Variants in MARK1 observed in about 807,000 individuals in gnomAD.
MARK1 encodes the protein serine/threonine-protein kinase MARK1.
MARK1 carries 40 observed loss-of-function variants against 96.3 expected under a neutral mutation model. That is an observed-to-expected ratio of 0.42 (90% CI 0.32 to 0.54). The LOEUF (loss-of-function observed/expected upper bound fraction) is 0.54, where lower values mean the gene tolerates loss of function less well. MARK1 is among the 20% of genes least tolerant of loss of function. The pLI is 0.16. For missense variants in MARK1, 719 were observed against 984.6 expected (o/e 0.73, Z 3.61); for synonymous variants, 317 against 341.2 (o/e 0.93, Z 0.78).
chr1:220,642,346 G>A (rs1331431769), intron 13 of MARK1, among the ~76,000 whole-genome samples: 1 of 152,200 alleles, frequency 6.6e-6, no homozygotes, highest in African/African-American at 2.4e-5. Flanking sequence ...TTCCCCCACA[G>A]CACAGCATAG....
intron 9 of MARK1, chr1:220,626,489 C>T (rs1443850833): frequency 1.9e-6 from 1 of 533,492 alleles, no homozygotes; most frequent in Non-Finnish European, 3.8e-6. Flanking sequence ...GGCTCAGACT[C>T]CTTATCTGGG....
chr1:220,653,145 T>A lies in MARK1; in HGVS notation c.1781T>A (p.Ile594Asn), dbSNP rs763329674. The stretch of plus-strand genomic sequence containing the variant: ...GCTGCTTCCCCATCTGCTCACAGTA[T>A]TAGTACTGCGACTCCAGACCGGACC... Reference protein sequence around the residue: ...VPAASPSAHSISTATPDRTRF... With the variant: ...VPAASPSAHSNSTATPDRTRF... Residue 594 changes from isoleucine (I) to asparagine (N), a missense_variant, in exon 16 of 18, where the codon ATT (isoleucine) becomes AAT (asparagine). Ile to Asn is a moderately radical substitution (Grantham distance 149). Coordinates refer to ENST00000366917, the MANE Select transcript of MARK1 (RefSeq NM_018650.5). 1 of 1,614,204 alleles carries A rather than the reference T, an allele frequency of 6.2e-7. No individual in the cohort carries two copies. Among genetic ancestry groups the A allele is most frequent in the South Asian group, 1.1e-5 (1 of 91,082 alleles).
chr1:220,619,990 G>A (rs1473610028), intron 9 of MARK1, among the ~76,000 whole-genome samples: 1 of 152,312 alleles, frequency 6.6e-6, no homozygotes, highest in East Asian at 1.9e-4. Context: ...TGTGTACAGA[G>A]CTCTCAGGTT....
chr1:220,592,332 C>T (rs890256812), intron 3 of MARK1, among the ~76,000 whole-genome samples: 1 of 151,316 alleles, frequency 6.6e-6, no homozygotes, highest in African/African-American at 2.4e-5. Flanking sequence ...AAGTAAATAG[C>T]CATGTTGGAG....
intron 14 of MARK1, among the ~76,000 whole-genome samples, chr1:220,651,152 C>G (rs778275181): frequency 7.9e-5 from 12 of 151,898 alleles, no homozygotes; most frequent in Non-Finnish European, 1.6e-4. Flanking sequence ...CATTCAGAAC[C>G]ACATAATTTT....
At chr1:220,638,879 T>C (rs1222654220) in intron 13 of MARK1, among the ~76,000 whole-genome samples, 1 of 152,198 alleles carries the variant, frequency 6.6e-6, no homozygotes, top group Non-Finnish European at 1.5e-5. Context: ...CCATTTCCTT[T>C]TAGTCTGAAC....
At position 220,652,114 on chromosome 1, in the gene MARK1, C is replaced by T. The variant is rs769473938; in HGVS notation, c.1700C>T (p.Pro567Leu). The change falls in exon 15 of 18, where the codon CCA (proline) becomes CTA (leucine). Residue 567 changes from proline to leucine, a missense_variant. Coordinates refer to ENST00000366917, the MANE Select transcript of MARK1 (RefSeq NM_018650.5). The part of the protein sequence containing the change: ...TSGHPIKVTL[P>L]TIKDGSEAYR... The stretch of plus-strand genomic sequence containing the variant: ...GGTCATCCTATTAAAGTCACACTGC[C>T]AACCATTAAAGACGGCTCTGAAGCT... 1 of 1,612,916 alleles carries T rather than the reference C, an allele frequency of 6.2e-7. No individual in the cohort carries two copies. Among genetic ancestry groups the T allele is most frequent in the Non-Finnish European group, 8.5e-7 (1 of 1,179,134 alleles).
intron 6 of MARK1, among the ~76,000 whole-genome samples, chr1:220,613,987 T>C (rs1403812589): frequency 1.3e-5 from 2 of 152,072 alleles, no homozygotes; most frequent in Non-Finnish European, 2.9e-5. Context: ...TTTGTTTGTT[T>C]GGTCGGTTGG....
intron 1 of MARK1, among the ~76,000 whole-genome samples, chr1:220,550,158 A>G (rs965552355): frequency 2.6e-5 from 4 of 152,220 alleles, no homozygotes; most frequent in Admixed American, 2.0e-4. Context: ...TTGAGACTGC[A>G]TTGATTTTAC....
At chr1:220,539,867 A>G (rs1293294705) in intron 1 of MARK1, among the ~76,000 whole-genome samples, 2 of 146,478 alleles carry the variant, frequency 1.4e-5, no homozygotes, top group East Asian at 4.0e-4. Context: ...CTGGTTTTTT[A>G]TCATGGTAAT....
intron 13 of MARK1, among the ~76,000 whole-genome samples, chr1:220,650,350 A>G (rs1668804465): frequency 6.6e-6 from 1 of 152,160 alleles, no homozygotes; most frequent in Admixed American, 6.6e-5. Context: ...CAAAGGAGGG[A>G]GTGAATAGAA....
intron 1 of MARK1, among the ~76,000 whole-genome samples, chr1:220,553,120 A>G (rs889833019): frequency 1.3e-5 from 2 of 152,200 alleles, no homozygotes; most frequent in African/African-American, 2.4e-5. Flanking sequence ...TGCTGTGCTC[A>G]TTCAGGGAGA....
At chr1:220,611,343 C>T (rs575360701) in intron 6 of MARK1, among the ~76,000 whole-genome samples, 64 of 152,340 alleles carry the variant, frequency 4.2e-4, no homozygotes, top group African/African-American at 1.3e-3. Context: ...GTTGTGCTAG[C>T]GGTGAGCAAG....
At chr1:220,550,205 T>C (rs1426387778) in intron 1 of MARK1, among the ~76,000 whole-genome samples, 2 of 152,218 alleles carry the variant, frequency 1.3e-5, no homozygotes, top group Non-Finnish European at 2.9e-5. Context: ...AAGTCAGGGA[T>C]TTACAGCTTG....
At chr1:220,656,861 A>G (rs1669205200) in intron 16 of MARK1, among the ~76,000 whole-genome samples, 1 of 152,200 alleles carries the variant, frequency 6.6e-6, no homozygotes, top group South Asian at 2.1e-4. Flanking sequence ...TAAGGCGTTC[A>G]TATTCTTAAG....
chr1:220,567,210 C>A (rs1292731497), intron 1 of MARK1, among the ~76,000 whole-genome samples: 2 of 152,130 alleles, frequency 1.3e-5, no homozygotes, highest in African/African-American at 4.8e-5. Context: ...TACCTATGGA[C>A]ATATTTAACC....
chr1:220,575,499 A>T (rs530140034), intron 1 of MARK1, among the ~76,000 whole-genome samples: 2 of 152,318 alleles, frequency 1.3e-5, no homozygotes, highest in South Asian at 4.1e-4. Context: ...AAGTGAGATC[A>T]GCTATCCCAA....
At chr1:220,607,262 G>A (rs539225833) in intron 6 of MARK1, among the ~76,000 whole-genome samples, 2 of 152,190 alleles carry the variant, frequency 1.3e-5, no homozygotes, top group African/African-American at 4.8e-5. Context: ...GGATTCCTAG[G>A]TATTTTATTC....
At chr1:220,635,283 T>C in intron 11 of MARK1, 93 bp from the exon 12 acceptor site, 4 of 1,227,662 alleles carry the variant, frequency 3.3e-6, no homozygotes, top group Non-Finnish European at 4.5e-6. Context: ...TTGTATAGCT[T>C]TAAGTCATTT....
Sources: allele counts gnomAD v4.1 joint callset (sites outside exome capture counted in the v4.1 genomes callset), GRCh38; gene constraint gnomAD v4.1.1; transcripts MANE v1.5; gene names NCBI Gene and HGNC (gene_info 2026-07-23, HGNC 2026-07-21).